DPH1: variants seen among roughly 807,000 people sequenced by gnomAD.
The protein encoded by DPH1 is 2-(3-amino-3-carboxypropyl)histidine synthase subunit 1.
In DPH1, 59 loss-of-function variants were observed where a neutral mutation model predicts 55.3. The observed-to-expected ratio is 1.07, with a 90% confidence interval of 0.87 to 1.33. DPH1 has a LOEUF of 1.33. Among genes scored for constraint, DPH1 ranks in the 40% most tolerant of loss-of-function variants. The pLI, the probability that DPH1 is intolerant of heterozygous loss-of-function variation, is 0.00. For missense variants in DPH1, 628 were observed against 584.8 expected (o/e 1.07, Z -0.76); for synonymous variants, 238 against 235.5 (o/e 1.01, Z -0.10).
At chr17:2,039,658 T>C in intron 6 of DPH1, 97 bp from the exon 7 acceptor site, 1 of 1,483,182 alleles carries the variant, frequency 6.7e-7, no homozygotes, top group South Asian at 1.1e-5. Context: ...ATTACAGGCG[T>C]GAGCCACCGC....
In DPH1 at chr17:2,036,011, A is replaced by G. The variant is rs772969956; in HGVS notation, c.320A>G (p.Tyr107Cys). The G allele has an allele frequency of 5.6e-6, 9 of 1,613,832 alleles. No homozygotes were observed. Among genetic ancestry groups the G allele is most frequent in the Middle Eastern group, 1.6e-4 (1 of 6,080 alleles). The change falls in exon 4 of 13, where the codon TAC becomes TGC. Residue 107 changes from tyrosine to cysteine, a missense_variant. Transcript: ENST00000263083. The surrounding 1 kb of genome is among the most constrained non-coding windows in gnomAD (Gnocchi z 4.8). ...GTGATGGTGATGGGTGACGTGACCT[A>G]CGGGGCTTGCTGTGTGGATGACTTC... is the stretch of plus-strand genomic sequence containing the variant. The part of the protein sequence containing the change: ...AEVMVMGDVT[Y>C]GACCVDDFTA...
In DPH1 at chr17:2,033,267, G is replaced by T. The variant is rs192881791; in HGVS notation, c.62-238G>T. On this transcript the variant is annotated intron_variant, in intron 1 of 12. Transcript: ENST00000263083. ...GTTTCTATAGGGAACCAGGCATCTC[G>T]TGACTCTGACTTGGGTGACTGTTGT... 1,178 of 597,748 alleles carry T rather than the reference G, an allele frequency of 2.0e-3. 1 individual carries two copies. The highest frequency in any genetic ancestry group is 2.9e-3 in the Non-Finnish European group (976 of 341,308). The allele number at this position is 597,748 out of a possible 1,614,324, so 37.0% of individuals were successfully genotyped here. A position where few individuals can be genotyped will look rare whatever the true frequency, so the allele number is the denominator to read the frequency against.
At position 2,031,348 on chromosome 17, in the gene DPH1, G is replaced by A. The variant is rs923375202; in HGVS notation, c.61+1118G>A. 2.6e-5 allele frequency among the ~76,000 whole-genome samples: 4 copies of A among 151,988 alleles called. No individual in the cohort carries two copies. In the South Asian group the frequency reaches 8.3e-4, roughly 31 times the overall value. ...GGCTGAGGCGGGCGGATTACCTGAG[G>A]TCAGGAGTTTGAGACCAGCCTGGCC... On this transcript the variant is annotated intron_variant, in intron 1 of 12. Transcript: ENST00000263083.
rs571457784 is a variant in DPH1, at chr17:2,030,188, T to C, written c.19T>C (p.Ser7Pro). The C allele has an allele frequency of 6.2e-6, 10 of 1,603,084 alleles. No homozygotes were observed. Among genetic ancestry groups the C allele is most frequent in the Middle Eastern group, 1.7e-4 (1 of 6,016 alleles). The change falls in exon 1 of 13, where the codon TCC (serine) becomes CCC (proline). Residue 7 changes from serine to proline, a missense_variant. Ser to Pro is a moderately conservative substitution (Grantham distance 74). Coordinates refer to ENST00000263083, the MANE Select transcript of DPH1 (RefSeq NM_001383.6). MAALVV[S>P]GAAEQGGRDG... The stretch of plus-strand genomic sequence containing the variant: ...GCAGGTGATGGCGGCGCTGGTCGTA[T>C]CCGGGGCAGCGGAGCAGGGCGGCCG...
chr17:2,035,473 AGG>A (rs1274700363), intron 3 of DPH1, among the ~76,000 whole-genome samples: 1 of 18,934 alleles, frequency 5.3e-5, no homozygotes, highest in Non-Finnish European at 1.1e-4. Flanking sequence ...GGTCCGGGTG[AGG>A]GGGCCCTGCC....
chr17:2,031,260 A>G (rs1017835065), intron 1 of DPH1, among the ~76,000 whole-genome samples: 3 of 152,056 alleles, frequency 2.0e-5, no homozygotes, highest in Admixed American at 2.0e-4. Context: ...GCACAAAAAA[A>G]TAAAAAATAG....
intron 3 of DPH1, among the ~76,000 whole-genome samples, chr17:2,035,414 A>C: frequency 1.6e-5 from 1 of 61,630 alleles, no homozygotes; most frequent in Non-Finnish European, 3.3e-5. Flanking sequence ...GTGGGGAGGT[A>C]GTGGGGGTCC....
chr17:2,033,449 CT>C, intron 1 of DPH1, 55 bp from the exon 2 acceptor site: 1 of 1,611,936 alleles, frequency 6.2e-7, no homozygotes. Context: ...CCTATTCCAT[CT>C]CAATCTGGCT....
intron 6 of DPH1, chr17:2,039,286 C>T (rs1013146923): frequency 6.3e-6 from 1 of 157,984 alleles, no homozygotes; most frequent in Non-Finnish European, 1.4e-5. Flanking sequence ...TGGTCTTGAT[C>T]TCCTGACCTC....
intron 6 of DPH1, 110 bp from the exon 7 acceptor site, chr17:2,039,645 G>T: frequency 7.5e-7 from 1 of 1,326,632 alleles, no homozygotes; most frequent in Non-Finnish European, 1.1e-6. Flanking sequence ...CCAAAGTGCT[G>T]GGATTACAGG....
intron 3 of DPH1, among the ~76,000 whole-genome samples, chr17:2,035,222 G>C (rs1352698225): frequency 6.6e-6 from 1 of 151,990 alleles, no homozygotes; most frequent in Non-Finnish European, 1.5e-5. Context: ...GTGAGTTCAG[G>C]GGTACAAGGT....
chr17:2,043,203 G>C lies in DPH1; in HGVS notation c.*617G>C. 2 of 1,371,076 alleles carry C rather than the reference G, an allele frequency of 1.5e-6. No homozygotes were observed. The highest frequency in any genetic ancestry group is 2.0e-6 in the Non-Finnish European group (2 of 1,003,998). The allele number at this position is 1,371,076 out of a possible 1,614,324, so 84.9% of individuals were successfully genotyped here. ...ACCCTCCACTCACTGCTGTGAGTGCGCCTCACCAGAACCAGTTAAGAGACA... is the reference window on the plus strand; with the variant it reads ...ACCCTCCACTCACTGCTGTGAGTGCCCCTCACCAGAACCAGTTAAGAGACA... On this transcript the variant is annotated 3_prime_UTR_variant, in exon 13 of 13. Transcript: ENST00000263083.
chr17:2,036,951 C>T lies in DPH1; in HGVS notation c.675C>T (p.Ala225=), dbSNP rs192822710. The part of the protein sequence containing the change: ...TSPRLSKEVE[A]VVYLGDGRFH... ...CCCGACTGTCCAAAGAGGTGGAGGC[C>T]GTTGTGTAAGTTAAAAATGGGGGCC... The change falls in exon 6 of 13, where the codon GCC becomes GCT. Residue 225 remains alanine, a synonymous_variant. Coordinates refer to ENST00000263083, the MANE Select transcript of DPH1 (RefSeq NM_001383.6). The surrounding 1 kb of genome is among the most constrained non-coding windows in gnomAD (Gnocchi z 4.8). 1.6e-3 allele frequency: 2,515 copies of T among 1,612,338 alleles called. 1 individual carries two copies. The highest frequency in any genetic ancestry group is 1.9e-3 in the Non-Finnish European group (2,190 of 1,179,496).
chr17:2,041,507 C>T lies in DPH1; in HGVS notation c.1113C>T (p.Ser371=). The part of the protein sequence containing the change: ...YEAAVALRDI[S]WQQPYPMDFY... ...CGGCCGTGGCTCTGAGGGACATTTC[C>T]TGGCAGCAGCCCTACCCGATGGACT... Residue 371 remains serine (S), a synonymous_variant, in exon 11 of 13, where the codon TCC becomes TCT. Transcript: ENST00000263083. 1 of 1,611,812 alleles carries T rather than the reference C, an allele frequency of 6.2e-7. No individual in the cohort carries two copies. The highest frequency in any genetic ancestry group is 1.3e-5 in the African/African-American group (1 of 74,974).
intron 6 of DPH1, chr17:2,037,397 C>T (rs1461476111): frequency 1.9e-5 from 3 of 157,312 alleles, no homozygotes; most frequent in South Asian, 1.9e-4. Context: ...ACGGCTCCCC[C>T]GACTGGGACT....
At chr17:2,034,278 G>A (rs1210002922) in intron 3 of DPH1, among the ~76,000 whole-genome samples, 1 of 151,972 alleles carries the variant, frequency 6.6e-6, no homozygotes, top group African/African-American at 2.4e-5. Flanking sequence ...GGAGTGGGAG[G>A]TGCCTGGGAG....
intron 1 of DPH1, among the ~76,000 whole-genome samples, chr17:2,032,783 G>T (rs1001555025): frequency 2.0e-5 from 3 of 152,184 alleles, no homozygotes. Context: ...TCGCTCTGTT[G>T]CCCAGGCTGG....
In DPH1 at chr17:2,042,937, C is replaced by G; in HGVS notation, c.*351C>G. ...AAGGCCCTTGTCATTGCCTTCGCTC[C>G]ATGTTTTTGGGGACACTGACAAAGT... On this transcript the variant is annotated 3_prime_UTR_variant, in exon 13 of 13. Coordinates refer to ENST00000263083, the MANE Select transcript of DPH1 (RefSeq NM_001383.6). The G allele has an allele frequency of 1.2e-6, 2 of 1,614,144 alleles. No homozygotes were observed. The highest frequency in any genetic ancestry group is 1.7e-6 in the Non-Finnish European group (2 of 1,180,026).
chr17:2,037,751 G>A (rs1020833441), intron 6 of DPH1, among the ~76,000 whole-genome samples: 1 of 152,218 alleles, frequency 6.6e-6, no homozygotes, highest in Non-Finnish European at 1.5e-5. Context: ...TCCACGCTCT[G>A]TAATCTTCAT....
Sources: gnomAD v4.1 joint callset for allele counts (sites outside exome capture counted in the v4.1 genomes callset) on GRCh38, gnomAD v4.1.1 for gene constraint, Gnocchi (gnomAD v3.1) non-coding constraint, MANE v1.5 for transcripts, NCBI Gene and HGNC (gene_info 2026-07-23, HGNC 2026-07-21) for gene names.